The following TRIM5 variants were observed in gnomAD, a reference collection of about 807,000 sequenced individuals.
TRIM5 encodes tripartite motif containing 5.
In TRIM5, 31 loss-of-function variants were observed where a neutral mutation model predicts 35.6. That is an observed-to-expected ratio of 0.87 (90% CI 0.65 to 1.18). The LOEUF is 1.18. Among genes scored for constraint, TRIM5 ranks in the 50% most tolerant of loss-of-function variants. The pLI is 0.00. For missense variants in TRIM5, 609 were observed against 591.6 expected (o/e 1.03, Z -0.31); for synonymous variants, 243 against 215.6 (o/e 1.13, Z -1.11).
At chr11:5,661,973 G>T (rs556101118), downstream of TRIM5, among the ~76,000 whole-genome samples, 30 of 152,296 alleles carry the variant, frequency 2.0e-4, no homozygotes, top group East Asian at 3.9e-3. Context: ...TGTCCCTGGA[G>T]AGTCACTTGC....
the TRIM5 span, among the ~76,000 whole-genome samples, chr11:5,655,244 A>G: frequency 6.6e-6 from 1 of 152,002 alleles, no homozygotes; most frequent in Non-Finnish European, 1.5e-5. Flanking sequence ...GAAACTTACC[A>G]TTGGTTGTAG....
chr11:5,611,639 G>C, the TRIM5 span: 3 of 296,170 alleles, frequency 1.0e-5, no homozygotes, highest in African/African-American at 2.2e-5. Flanking sequence ...TTTTTATAGA[G>C]ATAGGGTTTC....
chr11:5,633,734 C>T, the TRIM5 span: 1 of 1,451,122 alleles, frequency 6.9e-7, no homozygotes, highest in Non-Finnish European at 9.2e-7. Context: ...TTGATTTTTT[C>T]CCTGTTTGTC....
chr11:5,613,893 A>T, the TRIM5 span, among the ~76,000 whole-genome samples: 1 of 69,878 alleles, frequency 1.4e-5, no homozygotes, highest in Non-Finnish European at 2.9e-5. Context: ...TAACAGCTTT[A>T]TTGTGATATT....
chr11:5,643,125 A>ATAT, the TRIM5 span: 186 of 974,424 alleles, frequency 1.9e-4, no homozygotes, highest in African/African-American at 2.7e-3. Flanking sequence ...ATATATATAT[A>ATAT]TTTTTTTTTT....
chr11:5,657,354 A>C, the TRIM5 span, among the ~76,000 whole-genome samples: 5 of 151,048 alleles, frequency 3.3e-5, no homozygotes, highest in African/African-American at 1.2e-4. Context: ...ATAAATACCT[A>C]ATTTAGATGA....
At chr11:5,617,461 T>C in the TRIM5 span, among the ~76,000 whole-genome samples, 1 of 142,006 alleles carries the variant, frequency 7.0e-6, no homozygotes, top group South Asian at 2.3e-4. Context: ...ATCACGTTTC[T>C]ATACATTATA....
the TRIM5 span, among the ~76,000 whole-genome samples, chr11:5,640,162 T>C: frequency 6.6e-6 from 1 of 152,202 alleles, no homozygotes; most frequent in Non-Finnish European, 1.5e-5. Flanking sequence ...CCATGTTAAA[T>C]AGAAGTAGTG....
rs199987954 is a variant in TRIM5, at chr11:5,665,008, G to A, written c.1283C>T (p.Pro428Leu). The A allele has an allele frequency of 1.2e-6, 2 of 1,614,036 alleles. No homozygotes were observed. The highest frequency in any genetic ancestry group is 1.7e-6 in the Non-Finnish European group (2 of 1,180,010). ...FHTPSVPFIV[P>L]LSVIICPDRV... The stretch of plus-strand genomic sequence containing the variant: ...ATCAGGACAAATAATCACAGAGAGG[G>A]GCACAATGAAAGGAACAGAAGGAGT... The change falls in exon 8 of 8, where the codon CCC becomes CTC. Residue 428 changes from proline to leucine, a missense_variant. Coordinates refer to ENST00000380034, the MANE Select transcript of TRIM5 (RefSeq NM_033034.3).
chr11:5,647,298 C>G, the TRIM5 span, among the ~76,000 whole-genome samples: 1 of 152,152 alleles, frequency 6.6e-6, no homozygotes. Flanking sequence ...ACTAAGATGT[C>G]ACCTTTTCAT....
At chr11:5,681,578 A>C (rs59253967) in intron 1 of TRIM5, among the ~76,000 whole-genome samples, 3,373 of 152,214 alleles carry the variant, frequency 0.022, 136 homozygotes, top group African/African-American at 0.075. Flanking sequence ...TAAATCATTA[A>C]GGTTTGCGGA....
chr11:5,603,834 T>A, the TRIM5 span: 4 of 1,485,152 alleles, frequency 2.7e-6, no homozygotes, highest in East Asian at 9.5e-5. Context: ...AGTCTTTATT[T>A]ACCTAGAGAA....
At chr11:5,633,685 C>T in the TRIM5 span, 14 of 950,404 alleles carry the variant, frequency 1.5e-5, no homozygotes, top group Admixed American at 3.6e-4. Context: ...TAATCACCAG[C>T]TTCACAGTTT....
the TRIM5 span, among the ~76,000 whole-genome samples, chr11:5,636,868 G>C: frequency 6.6e-6 from 1 of 152,060 alleles, no homozygotes; most frequent in Non-Finnish European, 1.5e-5. Context: ...ATCTGTTGGC[G>C]GGGCGCGGTG....
chr11:5,613,817 C>A, the TRIM5 span, among the ~76,000 whole-genome samples: 3 of 152,042 alleles, frequency 2.0e-5, no homozygotes, highest in Non-Finnish European at 4.4e-5. Flanking sequence ...TGAGTGCTTG[C>A]TAGAGCCGAT....
chr11:5,627,449 G>T, the TRIM5 span, among the ~76,000 whole-genome samples: 5 of 152,158 alleles, frequency 3.3e-5, no homozygotes, highest in Non-Finnish European at 7.3e-5. Context: ...AATTCAGGTG[G>T]TTTCTACCAG....
chr11:5,599,427 G>A, the TRIM5 span, among the ~76,000 whole-genome samples: 5 of 109,404 alleles, frequency 4.6e-5, no homozygotes, highest in Non-Finnish European at 4.0e-5. Flanking sequence ...ATTTTGAGAC[G>A]GAGTCTCGCT....
the TRIM5 span, chr11:5,642,931 A>T: frequency 1.3e-6 from 2 of 1,560,394 alleles, no homozygotes; most frequent in Non-Finnish European, 1.7e-6. Flanking sequence ...TCTTAGCCTC[A>T]TGCATTCTCA....
At chr11:5,615,918 A>G in the TRIM5 span, among the ~76,000 whole-genome samples, 24,423 of 140,374 alleles carry the variant, frequency 0.17, 2,042 homozygotes, top group East Asian at 0.31. Context: ...TATTGTTTTC[A>G]TAACATATCT....
Sources: allele counts gnomAD v4.1 joint callset (sites outside exome capture counted in the v4.1 genomes callset), GRCh38; gene constraint gnomAD v4.1.1; transcripts MANE v1.5; gene names NCBI Gene and HGNC (gene_info 2026-07-23, HGNC 2026-07-21).